The following RPGRIP1L variants were observed in gnomAD, a reference collection of about 807,000 sequenced individuals.
RPGRIP1L encodes the protein RPGRIP1 like.
In RPGRIP1L, 131 loss-of-function variants were observed where a neutral mutation model predicts 160.4. The ratio of observed to expected loss-of-function variants is 0.82; its 90% confidence interval spans 0.71 to 0.94. The LOEUF is 0.94. Among genes scored for constraint, RPGRIP1L ranks in the 40% least tolerant of loss-of-function variants. The pLI, the probability that RPGRIP1L is intolerant of heterozygous loss-of-function variation, is 0.00. For missense variants in RPGRIP1L, 1,522 were observed against 1,535.8 expected, an observed-to-expected ratio of 0.99 and a Z score of 0.15; for synonymous variants, 510 against 515.8, an observed-to-expected ratio of 0.99 and a Z score of 0.15.
chr16:53,648,617 C>T (rs928461458), intron 16 of RPGRIP1L, among the ~76,000 whole-genome samples: 48 of 94,336 alleles, frequency 5.1e-4, no homozygotes, highest in Admixed American at 2.9e-3. Context: ...CGCGCGTGCG[C>T]GCGCGCGCGC....
chr16:53,687,912 T>A lies in RPGRIP1L; in HGVS notation c.583A>T (p.Lys195Ter), dbSNP rs1277577195. Residue 195 changes from lysine (K) to a stop codon, truncating the protein, a stop_gained, in exon 5 of 27, where the codon AAA becomes TAA. Transcript: ENST00000647211. LOFTEE classifies it high-confidence loss of function. ...VAETPHPMFTKYGNSLLEEAR... is the reference protein window; with the variant it reads ...VAETPHPMFT The stretch of plus-strand genomic sequence containing the variant: ...TCTTCAAGTAAACTGTTGCCATATT[T>A]TGTAAACATGGGATGTGGAGTTTCT... 14 of 1,611,918 alleles carry A rather than the reference T, an allele frequency of 8.7e-6. No homozygotes were observed. The highest frequency in any genetic ancestry group is 1.2e-5 in the Non-Finnish European group (14 of 1,178,448).
At chr16:53,633,699 T>C (rs776496950) in intron 22 of RPGRIP1L, among the ~76,000 whole-genome samples, 2 of 152,222 alleles carry the variant, frequency 1.3e-5, no homozygotes, top group Non-Finnish European at 2.9e-5. Flanking sequence ...AACAATTATG[T>C]ATGAAAGAAT....
chr16:53,648,659 A>ACAC (rs1966749282), intron 16 of RPGRIP1L, among the ~76,000 whole-genome samples: 2 of 90,100 alleles, frequency 2.2e-5, no homozygotes, highest in African/African-American at 3.4e-5. Flanking sequence ...CACACACACA[A>ACAC]AAGTGCATGT....
chr16:53,689,660 T>C (rs574134689), intron 4 of RPGRIP1L, among the ~76,000 whole-genome samples: 4 of 152,190 alleles, frequency 2.6e-5, no homozygotes, highest in Non-Finnish European at 5.9e-5. Context: ...TTAGGGTTCT[T>C]AGCCAGCCAT....
chr16:53,654,309 C>T (rs1031262594), intron 14 of RPGRIP1L, among the ~76,000 whole-genome samples: 11 of 150,754 alleles, frequency 7.3e-5, no homozygotes, highest in African/African-American at 2.7e-4. Context: ...TCCAGGTTCT[C>T]CTCCTTTTTT....
intron 17 of RPGRIP1L, 134 bp from the exon 18 acceptor site, chr16:53,641,609 C>T: frequency 1.3e-6 from 1 of 776,872 alleles, no homozygotes; most frequent in Non-Finnish European, 2.1e-6. Flanking sequence ...GTTGTACCCC[C>T]TACTTTAAAA....
intron 17 of RPGRIP1L, among the ~76,000 whole-genome samples, chr16:53,643,517 A>AATGC (rs779668460): frequency 6.6e-6 from 1 of 152,120 alleles, no homozygotes; most frequent in Non-Finnish European, 1.5e-5. Context: ...CTTTGATTTG[A>AATGC]ATGCATCCTC....
chr16:53,683,993 A>G (rs1358115576), intron 6 of RPGRIP1L, among the ~76,000 whole-genome samples: 2 of 152,204 alleles, frequency 1.3e-5, no homozygotes, highest in African/African-American at 4.8e-5. Flanking sequence ...CTCAAGATGG[A>G]TTTAAGGATT....
intron 20 of RPGRIP1L, 130 bp from the exon 21 acceptor site, chr16:53,637,984 G>T: frequency 1.1e-6 from 1 of 875,660 alleles, no homozygotes; most frequent in Non-Finnish European, 1.8e-6. Flanking sequence ...TAATATGTAT[G>T]AGACTCAGAA....
At chr16:53,700,590 T>C (rs1301262389) in intron 2 of RPGRIP1L, 49 bp downstream of exon 2, 1 of 1,368,196 alleles carries the variant, frequency 7.3e-7, no homozygotes, top group Non-Finnish European at 1.0e-6. Flanking sequence ...AAATTAAAAG[T>C]AGTCAGTGAT....
At chr16:53,675,535 A>C (rs1598380812) in intron 6 of RPGRIP1L, among the ~76,000 whole-genome samples, 1 of 152,152 alleles carries the variant, frequency 6.6e-6, no homozygotes, top group East Asian at 1.9e-4. Context: ...CCTAAATGAA[A>C]AATATGCAAT....
At chr16:53,697,132 G>A (rs2151383936) in intron 2 of RPGRIP1L, among the ~76,000 whole-genome samples, 1 of 151,916 alleles carries the variant, frequency 6.6e-6, no homozygotes, top group Admixed American at 6.6e-5. Flanking sequence ...AGGTTGCAGT[G>A]AGCTGAGATT....
At chr16:53,676,167 C>T (rs1236876917) in intron 6 of RPGRIP1L, among the ~76,000 whole-genome samples, 1 of 152,076 alleles carries the variant, frequency 6.6e-6, no homozygotes, top group African/African-American at 2.4e-5. Context: ...ACTTAATTTT[C>T]CTCTTTGATA....
intron 24 of RPGRIP1L, among the ~76,000 whole-genome samples, chr16:53,611,926 C>T (rs9929804): frequency 0.39 from 59,627 of 151,732 alleles, 13,610 homozygotes; most frequent in African/African-American, 0.62. Flanking sequence ...TTATTCCTGG[C>T]CAAAAGCATG....
At chr16:53,639,407 CATAA>C (rs1383158919) in intron 19 of RPGRIP1L, among the ~76,000 whole-genome samples, 2 of 151,848 alleles carry the variant, frequency 1.3e-5, no homozygotes, top group Non-Finnish European at 1.5e-5. Context: ...AATATCATAA[CATAA>C]ATATTTTCTC....
rs1567834532 is a variant in RPGRIP1L, at chr16:53,648,621, CG to C, written c.2304+342del. Among the ~76,000 whole-genome samples the C allele has an allele frequency of 1.1e-3, 115 of 105,632 alleles. 2 individuals carry two copies. The highest frequency in any genetic ancestry group is 8.1e-3 in the Middle Eastern group (2 of 246). 69.3% of individuals were successfully genotyped at this position (105,632 alleles called of 152,430 possible). ...ACATATACGTACGCGCGTGCGCGCG[CG>C]CGCGCACACACACACACACACACAC... On this transcript the variant is annotated intron_variant, in intron 16 of 26. Transcript: ENST00000647211.
At chr16:53,607,937 A>G (rs998102612) in intron 25 of RPGRIP1L, 6 of 980,214 alleles carry the variant, frequency 6.1e-6, no homozygotes, top group Non-Finnish European at 7.3e-6. Flanking sequence ...CACTGCCAAA[A>G]CAAAAAGGCC....
chr16:53,605,127 G>A (rs1963592988), intron 26 of RPGRIP1L, among the ~76,000 whole-genome samples: 1 of 151,862 alleles, frequency 6.6e-6, no homozygotes, highest in Admixed American at 6.6e-5. Context: ...GCTGCAGTGA[G>A]CCAAGACTGC....
Position 53,658,326 on chromosome 16 carries a change from C to T in RPGRIP1L, c.1401+88G>A, listed in dbSNP as rs12598634. ...GAAGATGCAAGAATAATTCATTCTC[C>T]AAATGTAAGGGTTACAGATAAGGGT... On this transcript the variant is annotated intron_variant, in intron 12 of 26. Transcript: ENST00000647211. 0.064 allele frequency: 61,719 copies of T among 964,506 alleles called. 3,233 individuals are homozygous for T. The highest frequency in any genetic ancestry group is 0.28 in the East Asian group (11,497 of 41,590). The allele number at this position is 964,506 out of a possible 1,614,324, so 59.7% of individuals were successfully genotyped here.
Sources: gnomAD v4.1 joint callset for allele counts (sites outside exome capture counted in the v4.1 genomes callset) on GRCh38, gnomAD v4.1.1 for gene constraint, MANE v1.5 for transcripts, NCBI Gene and HGNC (gene_info 2026-07-23, HGNC 2026-07-21) for gene names.